RFX4: variants seen among roughly 807,000 people sequenced by gnomAD.
RFX4 encodes transcription factor RFX4.
Under a neutral mutation model 95.0 loss-of-function variants are expected in RFX4, and 10 were observed. That is an observed-to-expected ratio of 0.11 (90% CI 0.06 to 0.18). The LOEUF (loss-of-function observed/expected upper bound fraction) is 0.18. RFX4 is among the 10% of genes least tolerant of loss of function. The pLI is 1.00. For missense variants in RFX4, 640 were observed against 922.0 expected (o/e 0.69, Z 3.96); for synonymous variants, 321 against 340.7 (o/e 0.94, Z 0.64).
intron 15 of RFX4, among the ~76,000 whole-genome samples, chr12:106,737,143 G>T (rs2042722638): frequency 8.8e-6 from 1 of 113,482 alleles, no homozygotes; most frequent in African/African-American, 3.2e-5. Context: ...ACTGTTTCCA[G>T]AATAGACTCG....
intron 17 of RFX4, among the ~76,000 whole-genome samples, chr12:106,754,285 C>G (rs2043068127): frequency 6.6e-6 from 1 of 152,218 alleles, no homozygotes; most frequent in South Asian, 2.1e-4. Context: ...GCACTCTGTG[C>G]TCCTCACTGT....
chr12:106,676,459 G>C (rs566260879), intron 4 of RFX4, among the ~76,000 whole-genome samples: 1 of 152,344 alleles, frequency 6.6e-6, no homozygotes, highest in African/African-American at 2.4e-5. Context: ...AGAATTGCCA[G>C]AGGCCTCTAG....
intron 13 of RFX4, among the ~76,000 whole-genome samples, chr12:106,727,726 T>G (rs569188083): frequency 2.8e-4 from 43 of 152,130 alleles, no homozygotes; most frequent in African/African-American, 9.9e-4. Flanking sequence ...TTCAAACCAT[T>G]CTCCTGCCTC....
chr12:106,750,703 C>T lies in RFX4; in HGVS notation c.1845C>T (p.His615=). 2 of 1,610,706 alleles carry T rather than the reference C, an allele frequency of 1.2e-6. No homozygotes were observed. Among genetic ancestry groups the T allele is most frequent in the African/African-American group, 1.3e-5 (1 of 74,750 alleles). Residue 615 remains histidine (H), a synonymous_variant, in exon 17 of 18, where the codon CAC becomes CAT. Transcript: ENST00000392842. ...GGAGCTATGGCAACCAGCATCCTCA[C>T]CCCATGCAGAGCCAGTATCCGGCCC... The part of the protein sequence containing the change: ...NYGSYGNQHP[H]PMQSQYPALP...
intron 13 of RFX4, among the ~76,000 whole-genome samples, chr12:106,729,981 T>C (rs139208988): frequency 9.8e-4 from 149 of 152,250 alleles, no homozygotes; most frequent in African/African-American, 3.4e-3. Context: ...CCAAATGGCA[T>C]TGAAAAACAG....
At chr12:106,628,441 A>T (rs1339214240) in intron 2 of RFX4, among the ~76,000 whole-genome samples, 1 of 152,174 alleles carries the variant, frequency 6.6e-6, no homozygotes, top group African/African-American at 2.4e-5. Context: ...TCCCTAGATT[A>T]TGGGTGTTTA....
Position 106,747,487 on chromosome 12 carries a change from G to A in RFX4, c.1684G>A (p.Ala562Thr), listed in dbSNP as rs61743416. 18,335 of 1,614,160 alleles carry A rather than the reference G, an allele frequency of 0.011. 138 individuals carry two copies. The highest frequency in any genetic ancestry group is 0.016 in the Middle Eastern group (99 of 6,058). The change falls in exon 16 of 18, where the codon GCT becomes ACT. Residue 562 changes from alanine (A) to threonine (T), a missense_variant. This residue lies in a region of RFX4 where 300 missense variants were observed against 346.8 expected (regional missense o/e 0.87). Coordinates refer to ENST00000392842, the MANE Select transcript of RFX4 (RefSeq NM_213594.3). Reference protein sequence around the residue: ...WSLTYTVTTAAGSPAENSQQL... With the variant: ...WSLTYTVTTATGSPAENSQQL... Reference sequence around the variant, plus strand: ...TCTAACATACACAGTGACGACGGCTGCTGGGTCCCCAGCTGAGAACTCCCA... The same window carrying A: ...TCTAACATACACAGTGACGACGGCTACTGGGTCCCCAGCTGAGAACTCCCA...
chr12:106,686,984 G>A lies in RFX4; in HGVS notation c.478G>A (p.Glu160Lys). 1.2e-6 allele frequency: 2 copies of A among 1,613,994 alleles called. No homozygotes were observed. Among genetic ancestry groups the A allele is most frequent in the Non-Finnish European group, 1.7e-6 (2 of 1,179,998 alleles). The change falls in exon 6 of 18, where the codon GAA becomes AAA. Residue 160 changes from glutamate (E) to lysine (K), a missense_variant. By Grantham distance (56) the Glu-to-Lys change is moderately conservative (BLOSUM62 1). Coordinates refer to ENST00000392842, the MANE Select transcript of RFX4 (RefSeq NM_213594.3). ...CTGGGTGAGTGAGACGGGCAAGAAA[G>A]AAGTGAGCAAACAGACAGTGGCATA... Reference protein sequence around the residue: ...AAWVSETGKKEVSKQTVAYSP... With the variant: ...AAWVSETGKKKVSKQTVAYSP...
chr12:106,625,139 C>T (rs2040267697), intron 2 of RFX4, among the ~76,000 whole-genome samples: 1 of 152,118 alleles, frequency 6.6e-6, no homozygotes, highest in African/African-American at 2.4e-5. Flanking sequence ...GAAACTGAGG[C>T]TTAGAGAAGG....
chr12:106,687,844 T>G (rs2041692921), intron 6 of RFX4, among the ~76,000 whole-genome samples: 1 of 152,198 alleles, frequency 6.6e-6, no homozygotes. Flanking sequence ...GATCTTATGC[T>G]GTCTCATTTC....
chr12:106,707,904 G>A (rs1004875507), intron 8 of RFX4, among the ~76,000 whole-genome samples: 1 of 152,180 alleles, frequency 6.6e-6, no homozygotes, highest in Non-Finnish European at 1.5e-5. Context: ...AGGCCAAGGC[G>A]GGTGGATCAC....
At chr12:106,760,033 T>G (rs2043181956) in intron 17 of RFX4, among the ~76,000 whole-genome samples, 1 of 152,162 alleles carries the variant, frequency 6.6e-6, no homozygotes, top group African/African-American at 2.4e-5. Flanking sequence ...CCCTTCTCCC[T>G]GCTGTCTAGG....
At chr12:106,611,589 C>T (rs745417174) in intron 2 of RFX4, among the ~76,000 whole-genome samples, 12 of 151,950 alleles carry the variant, frequency 7.9e-5, no homozygotes, top group Non-Finnish European at 1.6e-4. Context: ...CGGCTCACTG[C>T]AACCTCCGCC....
chr12:106,645,864 A>G (rs960114986), intron 3 of RFX4: 194 of 1,279,272 alleles, frequency 1.5e-4, no homozygotes, highest in Admixed American at 3.7e-4. Flanking sequence ...TCTGAACACA[A>G]CCAGTGTTGA....
intron 1 of RFX4, among the ~76,000 whole-genome samples, chr12:106,591,627 G>T (rs1398072769): frequency 6.6e-6 from 1 of 152,166 alleles, no homozygotes; most frequent in African/African-American, 2.4e-5. Context: ...AGGGACATAA[G>T]TAAATCATTC....
At chr12:106,596,126 T>C (rs889344789) in intron 1 of RFX4, among the ~76,000 whole-genome samples, 1 of 152,194 alleles carries the variant, frequency 6.6e-6, no homozygotes, top group African/African-American at 2.4e-5. Context: ...TTTGGCTCTG[T>C]GTGCCCACCC....
At chr12:106,636,194 C>A (rs991790944) in intron 2 of RFX4, among the ~76,000 whole-genome samples, 2 of 151,918 alleles carry the variant, frequency 1.3e-5, no homozygotes, top group Non-Finnish European at 2.9e-5. Context: ...GCCTGACCAA[C>A]ATGGTGAAAC....
intron 4 of RFX4, among the ~76,000 whole-genome samples, chr12:106,670,119 T>C (rs903096123): frequency 1.3e-5 from 2 of 152,192 alleles, no homozygotes; most frequent in African/African-American, 4.8e-5. Flanking sequence ...TTGTTAGTTA[T>C]GACTTCAGTT....
chr12:106,679,407 C>T (rs1265291154), intron 4 of RFX4, among the ~76,000 whole-genome samples: 1 of 151,920 alleles, frequency 6.6e-6, no homozygotes, highest in African/African-American at 2.4e-5. Flanking sequence ...GTGAGCTGAG[C>T]CATGCCACTG....
Sources: allele counts gnomAD v4.1 joint callset (sites outside exome capture counted in the v4.1 genomes callset), GRCh38; gene constraint gnomAD v4.1.1; regional missense constraint gnomAD v4.1.1; transcripts MANE v1.5; gene names NCBI Gene and HGNC (gene_info 2026-07-23, HGNC 2026-07-21).